Variants in CDH18 observed in about 807,000 individuals in gnomAD.
CDH18 encodes cadherin 18.
A neutral mutation model predicts 67.9 loss-of-function variants in CDH18; 31 were observed. That is an observed-to-expected ratio of 0.46 (90% CI 0.34 to 0.62). CDH18 has a LOEUF of 0.62. Ranked by LOEUF, CDH18 falls within the 20% of genes least tolerant of loss-of-function variation. The pLI is 0.01. For missense variants in CDH18, 890 were observed against 975.5 expected (o/e 0.91, Z 1.17); for synonymous variants, 362 against 347.2 (o/e 1.04, Z -0.48).
At chr5:20,359,827 G>A (rs1032079413) in intron 1 of CDH18, among the ~76,000 whole-genome samples, 2 of 151,730 alleles carry the variant, frequency 1.3e-5, no homozygotes, top group Non-Finnish European at 2.9e-5. Context: ...AGTCATCTGT[G>A]GATAAAAACG....
intron 1 of CDH18, among the ~76,000 whole-genome samples, chr5:20,456,170 T>C (rs1408975189): frequency 6.6e-6 from 1 of 152,102 alleles, no homozygotes; most frequent in African/African-American, 2.4e-5. Context: ...AACAAAGCTA[T>C]GTATGTAGAC....
intron 1 of CDH18, among the ~76,000 whole-genome samples, chr5:20,329,783 A>G (rs1738991283): frequency 6.6e-6 from 1 of 151,178 alleles, no homozygotes; most frequent in African/African-American, 2.4e-5. Context: ...AAAAAAAAAA[A>G]AAAAAAAAAA....
chr5:20,053,189 G>A (rs1174199758), intron 2 of CDH18, among the ~76,000 whole-genome samples: 2 of 151,224 alleles, frequency 1.3e-5, no homozygotes, highest in Non-Finnish European at 2.9e-5. Context: ...TTAAAATAAG[G>A]TATCTATCTA....
chr5:20,304,804 G>C, intron 1 of CDH18: 8 of 1,610,658 alleles, frequency 5.0e-6, no homozygotes, highest in Non-Finnish European at 6.8e-6. Flanking sequence ...TGTTTCAGCC[G>C]CAGCTTTGTT....
chr5:19,589,736 C>A (rs941059425), intron 7 of CDH18, among the ~76,000 whole-genome samples: 9 of 152,072 alleles, frequency 5.9e-5, no homozygotes, highest in African/African-American at 2.2e-4. Flanking sequence ...CTCTTGTGCC[C>A]ACTGACTGCA....
At chr5:19,560,863 T>C (rs1223560444) in intron 8 of CDH18, among the ~76,000 whole-genome samples, 4 of 152,024 alleles carry the variant, frequency 2.6e-5, no homozygotes, top group Non-Finnish European at 4.4e-5. Flanking sequence ...TAATAGATAA[T>C]TCTCAAAAGA....
intron 2 of CDH18, among the ~76,000 whole-genome samples, chr5:19,998,945 T>G (rs1736228035): frequency 6.6e-6 from 1 of 152,232 alleles, no homozygotes; most frequent in African/African-American, 2.4e-5. Flanking sequence ...CAAGGTGGAA[T>G]TATTTTTCAA....
chr5:19,493,534 T>TGG (rs1171575522), intron 11 of CDH18, among the ~76,000 whole-genome samples: 63 of 120,746 alleles, frequency 5.2e-4, no homozygotes, highest in African/African-American at 1.8e-3. Context: ...CCGAGGGAAT[T>TGG]GGGGTGTGTG....
intron 11 of CDH18, among the ~76,000 whole-genome samples, chr5:19,493,986 G>A (rs1741889182): frequency 1.3e-5 from 2 of 151,972 alleles, no homozygotes; most frequent in Admixed American, 1.3e-4. Flanking sequence ...CTTAGAAAAG[G>A]ATTCTTTTAT....
At chr5:19,823,245 T>C (rs1780065561) in intron 3 of CDH18, among the ~76,000 whole-genome samples, 1 of 152,008 alleles carries the variant, frequency 6.6e-6, no homozygotes, top group South Asian at 2.1e-4. Flanking sequence ...GTGACATACA[T>C]CCTCCTCAGC....
intron 2 of CDH18, among the ~76,000 whole-genome samples, chr5:19,961,576 A>G (rs1204942574): frequency 6.6e-6 from 1 of 152,176 alleles, no homozygotes; most frequent in Non-Finnish European, 1.5e-5. Flanking sequence ...TGTCACCAGC[A>G]CTGGATTTTG....
chr5:20,416,129 A>G (rs574467312), intron 1 of CDH18, among the ~76,000 whole-genome samples: 11 of 152,182 alleles, frequency 7.2e-5, no homozygotes, highest in Non-Finnish European at 1.5e-5. Flanking sequence ...AGTAGATATC[A>G]TGTTAAGTGT....
chr5:20,287,593 T>C (rs191435431), intron 1 of CDH18, among the ~76,000 whole-genome samples: 3 of 151,904 alleles, frequency 2.0e-5, no homozygotes, highest in African/African-American at 7.2e-5. Context: ...AGGTTTAAAA[T>C]GTTTGATACT....
At chr5:19,640,597 C>T (rs75314723) in intron 5 of CDH18, among the ~76,000 whole-genome samples, 191 of 151,922 alleles carry the variant, frequency 1.3e-3, no homozygotes, top group African/African-American at 4.2e-3. Flanking sequence ...AACAACTATT[C>T]GGTTAAAATG....
At chr5:19,705,451 C>G (rs1016923479) in intron 5 of CDH18, among the ~76,000 whole-genome samples, 2 of 152,116 alleles carry the variant, frequency 1.3e-5, no homozygotes, top group East Asian at 3.9e-4. Context: ...CATTTGCTAT[C>G]CTTAGAGGAG....
rs569964930 is a variant in CDH18, at chr5:20,126,561, A to G, written c.-518+128883T>C. 2.0e-5 allele frequency among the ~76,000 whole-genome samples: 3 copies of G among 152,186 alleles called. No individual in the cohort carries two copies. The South Asian group carries it at 6.2e-4, about 31-fold the overall frequency. ...GAGAAAAAGTATTTTTAAATTACAT[A>G]TCTGATAAAAGGTTAATATCCAAAG... On this transcript the variant is annotated intron_variant, in intron 2 of 14. Transcript: ENST00000507958.
At chr5:20,307,304 G>A (rs1037615202) in intron 1 of CDH18, among the ~76,000 whole-genome samples, 1 of 151,878 alleles carries the variant, frequency 6.6e-6, no homozygotes, top group Admixed American at 6.6e-5. Context: ...ATAACATTTT[G>A]GGCTTTAGCA....
At chr5:20,432,759 T>C (rs1748848456) in intron 1 of CDH18, among the ~76,000 whole-genome samples, 1 of 152,116 alleles carries the variant, frequency 6.6e-6, no homozygotes, top group Admixed American at 6.6e-5. Flanking sequence ...TTAACTTAAC[T>C]GCTTCTTTAA....
At chr5:20,372,260 T>C (rs536634218) in intron 1 of CDH18, among the ~76,000 whole-genome samples, 1 of 152,332 alleles carries the variant, frequency 6.6e-6, no homozygotes, top group East Asian at 1.9e-4. Flanking sequence ...TAGAGATAGG[T>C]TTAATATTTG....
Sources: allele counts gnomAD v4.1 joint callset (sites outside exome capture counted in the v4.1 genomes callset), GRCh38; gene constraint gnomAD v4.1.1; transcripts MANE v1.5; gene names NCBI Gene and HGNC (gene_info 2026-07-23, HGNC 2026-07-21).